CROCC: variants seen among roughly 807,000 people sequenced by gnomAD.
The protein encoded by CROCC is rootletin.
A neutral mutation model predicts 245.2 loss-of-function variants in CROCC; 180 were observed. The observed-to-expected ratio is 0.73, with a 90% CI of 0.65 to 0.83. The LOEUF (loss-of-function observed/expected upper bound fraction) is 0.83, where lower values mean the gene tolerates loss of function less well. CROCC is among the 40% of genes least tolerant of loss of function. The probability of loss-of-function intolerance (pLI) is 0.00; values close to 1 mark genes in which losing one functional copy is unlikely to be tolerated. For synonymous variants in CROCC, 1,205 were observed against 1,241.6 expected (o/e 0.97, Z 0.62); for missense variants, 2,688 against 2,779.4 (o/e 0.97, Z 0.74).
chr1:16,957,725 A>G (rs925176518), intron 25 of CROCC, among the ~76,000 whole-genome samples: 14 of 152,240 alleles, frequency 9.2e-5, no homozygotes, highest in Non-Finnish European at 7.4e-5. Context: ...GATTACAGGC[A>G]TGAGCCACGA....
chr1:16,969,707 C>T, intron 32 of CROCC, 78 bp from the exon 33 acceptor site: 1 of 1,523,564 alleles, frequency 6.6e-7, no homozygotes, highest in African/African-American at 1.4e-5. Flanking sequence ...GCTCTGTGGA[C>T]CTGTCCAGAG....
chr1:16,921,429 C>T (rs556447170), upstream of CROCC, among the ~76,000 whole-genome samples: 26 of 152,406 alleles, frequency 1.7e-4, no homozygotes, highest in Admixed American at 9.1e-4. Flanking sequence ...CCGCTCATGC[C>T]CAACTAAGTG....
chr1:16,930,364 G>A lies in CROCC; in HGVS notation c.683+17G>A. The stretch of plus-strand genomic sequence containing the variant: ...GCAGCAGAGGTGAGGGCGCAGCAGG[G>A]AGGGCCAGGGCTGGCAGGATGGCCC... On this transcript the variant is annotated intron_variant, in intron 6 of 36. Transcript: ENST00000375541. The A allele has an allele frequency of 6.2e-7, 1 of 1,611,074 alleles. No homozygotes were observed. The highest frequency in any genetic ancestry group is 8.5e-7 in the Non-Finnish European group (1 of 1,179,654).
intron 8 of CROCC, among the ~76,000 whole-genome samples, chr1:16,933,837 G>A (rs1425936659): frequency 6.6e-6 from 1 of 152,284 alleles, no homozygotes; most frequent in African/African-American, 2.4e-5. Flanking sequence ...GGGATTACAG[G>A]CCCAAGCCAC....
At chr1:16,920,909 A>C (rs2075390130), upstream of CROCC, among the ~76,000 whole-genome samples, 1 of 152,214 alleles carries the variant, frequency 6.6e-6, no homozygotes, top group South Asian at 2.1e-4. Context: ...ACACCCGGCT[A>C]ATTTTTGTAT....
Position 16,972,617 on chromosome 1 carries a change from G to C in CROCC, c.*171G>C, listed in dbSNP as rs553632654. The C allele has an allele frequency of 2.6e-5, 14 of 544,892 alleles. No individual in the cohort carries two copies. The South Asian group carries it at 3.6e-4, about 14-fold the overall frequency. 33.8% of individuals were successfully genotyped at this position (544,892 alleles called of 1,614,324 possible). ...CGGGTACTCCAGCTCCAGGCCTGGA[G>C]AGGCTTCCCAGCAACACCTGCAGTC... is the stretch of plus-strand genomic sequence containing the variant. On this transcript the variant is annotated 3_prime_UTR_variant, in exon 37 of 37. Transcript: ENST00000375541.
At chr1:16,926,021 G>A (rs1223657871) in intron 3 of CROCC, among the ~76,000 whole-genome samples, 1 of 152,290 alleles carries the variant, frequency 6.6e-6, no homozygotes, top group Admixed American at 6.5e-5. Flanking sequence ...TGGCAGGGAA[G>A]GGAAGAGGTG....
chr1:16,920,007 T>C (rs2075369484), upstream of CROCC, among the ~76,000 whole-genome samples: 1 of 152,272 alleles, frequency 6.6e-6, no homozygotes, highest in Non-Finnish European at 1.5e-5. Context: ...TTCCCCTGCC[T>C]CAGCCTCCTG....
At position 16,938,925 on chromosome 1, in the gene CROCC, C is replaced by G. The variant is rs774907284; in HGVS notation, c.1391C>G (p.Ser464Cys). The G allele has an allele frequency of 1.2e-6, 2 of 1,602,870 alleles. No homozygotes were observed. The highest frequency in any genetic ancestry group is 1.1e-5 in the South Asian group (1 of 89,486). The change falls in exon 12 of 37, where the codon TCT becomes TGT. Residue 464 changes from serine to cysteine, a missense_variant. By Grantham distance (112) the Ser-to-Cys change is moderately radical. This residue lies in a region of CROCC where 972 missense variants were observed against 895.3 expected (regional missense o/e 1.09). Transcript: ENST00000375541. The stretch of plus-strand genomic sequence containing the variant: ...CACCCTCAGGCCGTCTTGTCAGACT[C>G]TGAGAGCGGCGTCCAGCTGAGCGGC... ...RDLAQAVLSD[S>C]ESGVQLSGSE...
At position 16,938,893 on chromosome 1, in the gene CROCC, C is replaced by T; in HGVS notation, c.1375-16C>T. On this transcript the variant is annotated splice_polypyrimidine_tract_variant and intron_variant, in intron 11 of 36. Transcript: ENST00000375541. Reference sequence around the variant, plus strand: ...TAACTCAGCAGCCTCCTTCTGCCTCCCTCCCCCACCCTCAGGCCGTCTTGT... The same window carrying T: ...TAACTCAGCAGCCTCCTTCTGCCTCTCTCCCCCACCCTCAGGCCGTCTTGT... 1.9e-6 allele frequency: 3 copies of T among 1,603,718 alleles called. No individual in the cohort carries two copies. The highest frequency in any genetic ancestry group is 2.5e-6 in the Non-Finnish European group (3 of 1,176,494).
rs1192859840 is a variant in CROCC at position 16,921,999 on chromosome 1, A to G, written c.-20A>G. ...GGTCCTGGAGAAGGGGGCTGGAGGC[A>G]TGCCCACAGCCTCCCCCCCATGAGC... On this transcript the variant is annotated 5_prime_UTR_variant, in exon 1 of 37. An upstream start codon of the reference 5' UTR is lost. Transcript: ENST00000375541. 4 of 1,547,662 alleles carry G rather than the reference A, an allele frequency of 2.6e-6. No individual in the cohort carries two copies. The highest frequency in any genetic ancestry group is 3.5e-6 in the Non-Finnish European group (4 of 1,143,848).
chr1:16,937,303 AG>A (rs1311013298), intron 9 of CROCC, among the ~76,000 whole-genome samples: 1 of 152,168 alleles, frequency 6.6e-6, no homozygotes, highest in Non-Finnish European at 1.5e-5. Context: ...CAGTGAGCCA[AG>A]ATCACATCTC....
intron 10 of CROCC, 23 bp from the exon 11 acceptor site, chr1:16,938,375 CTT>C: frequency 6.5e-7 from 1 of 1,546,144 alleles, no homozygotes; most frequent in East Asian, 2.4e-5. Flanking sequence ...CCCAACCACC[CTT>C]TGTCTCCCTA....
rs553122356 is a variant in CROCC, at chr1:16,944,262, G to C, written c.1971G>C (p.Val657=). ...QEDAVQDGAR[V]RRELERSHRQ... ...ACGCAGTGCAGGATGGCGCGCGGGT[G>C]CGCCGGGAGCTTGAGCGCAGGTGAG... The change falls in exon 14 of 37, where the codon GTG becomes GTC. Residue 657 remains valine, a synonymous_variant. Coordinates refer to ENST00000375541, the MANE Select transcript of CROCC (RefSeq NM_014675.5). 2 of 1,543,822 alleles carry C rather than the reference G, an allele frequency of 1.3e-6. No individual in the cohort carries two copies. The highest frequency in any genetic ancestry group is 2.7e-5 in the African/African-American group (2 of 73,110).
rs761760439 is a variant in CROCC, at chr1:16,969,152, C to T, written c.5113C>T (p.Leu1705=). 5 of 1,609,030 alleles carry T rather than the reference C, an allele frequency of 3.1e-6. No homozygotes were observed. The African/African-American group carries it at 5.3e-5, about 17-fold the overall frequency. The change falls in exon 32 of 37, where the codon CTG becomes TTG. Residue 1705 remains leucine (L), a synonymous_variant. Transcript: ENST00000375541. The part of the protein sequence containing the change: ...DSEVKAGTLQ[L]TVERLNGALA... ...CGAGGTGAAGGCAGGGACCCTGCAG[C>T]TGACCGTGGAGCGGCTGAATGGGGC...
chr1:16,948,473 T>G lies in CROCC; in HGVS notation c.2657T>G (p.Val886Gly). Reference sequence around the variant, plus strand: ...CACGCTGGCCTGGCTGTGCAGCTGGTGGCTGCGGAGCGTGAAGGCAGGACC... The same window carrying G: ...CACGCTGGCCTGGCTGTGCAGCTGGGGGCTGCGGAGCGTGAAGGCAGGACC... ...KEHAGLAVQLVAAEREGRTLS... is the reference protein window; with the variant it reads ...KEHAGLAVQLGAAEREGRTLS... The change falls in exon 18 of 37, where the codon GTG becomes GGG. Residue 886 changes from valine (V) to glycine (G), a missense_variant. By Grantham distance (109) the Val-to-Gly change is moderately radical. Around this residue, in one of 9 missense-constraint regions of CROCC, gnomAD observed 295 missense variants for 241.7 expected, o/e 1.22. Transcript: ENST00000375541. 6.4e-7 allele frequency: 1 copy of G among 1,556,880 alleles called. No homozygotes were observed. Among genetic ancestry groups the G allele is most frequent in the Non-Finnish European group, 8.7e-7 (1 of 1,152,016 alleles).
chr1:16,920,742 CTTTTTT>C (rs33965029), upstream of CROCC, among the ~76,000 whole-genome samples: 17 of 135,426 alleles, frequency 1.3e-4, no homozygotes, highest in African/African-American at 4.6e-4. Context: ...GGGACTGTGC[CTTTTTT>C]TTTTTTTTTT....
In CROCC at chr1:16,948,997, T is replaced by C; in HGVS notation, c.2836+71T>C. On this transcript the variant is annotated intron_variant, in intron 19 of 36. Coordinates refer to ENST00000375541, the MANE Select transcript of CROCC (RefSeq NM_014675.5). ...GACTGCAGCCTCCCAAGGTCTGGGG[T>C]CTCACAGAAGTTGGGAGCACTGGAG... 13 of 1,571,220 alleles carry C rather than the reference T, an allele frequency of 8.3e-6. No homozygotes were observed. The South Asian group carries it at 1.2e-4, about 14-fold the overall frequency.
At chr1:16,950,613 T>C (rs2076142989) in intron 19 of CROCC, among the ~76,000 whole-genome samples, 1 of 152,168 alleles carries the variant, frequency 6.6e-6, no homozygotes, top group Non-Finnish European at 1.5e-5. Context: ...CTGCCCCAGC[T>C]TCCCAAAGTG....
Sources: gnomAD v4.1 joint callset for allele counts (sites outside exome capture counted in the v4.1 genomes callset) on GRCh38, gnomAD v4.1.1 for gene constraint, gnomAD v4.1.1 regional missense constraint, MANE v1.5 for transcripts, NCBI Gene and HGNC (gene_info 2026-07-23, HGNC 2026-07-21) for gene names.